The following ZFHX2 variants were observed in gnomAD, a reference collection of about 807,000 sequenced individuals.
The protein encoded by ZFHX2 is zinc finger homeobox 2.
Under a neutral mutation model 164.8 loss-of-function variants are expected in ZFHX2, and 75 were observed. The ratio of observed to expected loss-of-function variants is 0.46; its 90% CI spans 0.38 to 0.55. The LOEUF (loss-of-function observed/expected upper bound fraction) is 0.55. ZFHX2 is among the 20% of genes least tolerant of loss of function. The probability of loss-of-function intolerance (pLI) is 0.00; values close to 1 mark genes in which losing one functional copy is unlikely to be tolerated. For missense variants in ZFHX2, 2,933 were observed against 3,308.0 expected (o/e 0.89, Z 2.78); for synonymous variants, 1,217 against 1,351.4 (o/e 0.90, Z 2.18).
rs1256111663 is a variant in ZFHX2 at position 23,534,412 on chromosome 14, G to C, written c.914C>G (p.Pro305Arg). 2 of 1,536,672 alleles carry C rather than the reference G, an allele frequency of 1.3e-6. No homozygotes were observed. The highest frequency in any genetic ancestry group is 3.9e-5 in the Admixed American group (2 of 50,978). The change falls in exon 2 of 10, where the codon CCC becomes CGC. Residue 305 changes from proline to arginine, a missense_variant. Coordinates refer to ENST00000419474, the MANE Select transcript of ZFHX2 (RefSeq NM_033400.3). The surrounding 1 kb of genome is among the most constrained non-coding windows in gnomAD (Gnocchi z 4.5). Reference protein sequence around the residue: ...KLPARPSSDIPLDNSSTVNME... With the variant: ...KLPARPSSDIRLDNSSTVNME... The stretch of plus-strand genomic sequence containing the variant: ...GTTCACTGTGCTGCTGTTGTCAAGG[G>C]GTATGTCAGAAGAGGGGCGAGCAGG...
chr14:23,536,407 A>T (rs1008610323), intron 1 of ZFHX2, among the ~76,000 whole-genome samples: 27 of 152,138 alleles, frequency 1.8e-4, no homozygotes, highest in African/African-American at 6.5e-4. Context: ...TGCAGGCACC[A>T]TGCTTCTCTC....
intron 1 of ZFHX2, among the ~76,000 whole-genome samples, chr14:23,550,376 T>G (rs753846365): frequency 4.1e-4 from 63 of 152,170 alleles, no homozygotes; most frequent in Non-Finnish European, 8.4e-4. Context: ...GCCAGAGATA[T>G]CCAGACAGAC....
rs897256067 is a variant in ZFHX2 at position 23,546,621 on chromosome 14, G to A, written c.-50+4722C>T. 1.3e-5 allele frequency among the ~76,000 whole-genome samples: 2 copies of A among 152,164 alleles called. No homozygotes were observed. Among genetic ancestry groups the A allele is most frequent in the Admixed American group, 6.5e-5 (1 of 15,280 alleles). ...ACCCCTGCCTTGCCAGCCTGGGGAG[G>A]AGGGATGGGCAGGCAGTTCCCTAGG... On this transcript the variant is annotated intron_variant, in intron 1 of 9. Transcript: ENST00000419474. This position sits in a 1 kb window ranked among gnomAD's most constrained non-coding sequence, Gnocchi z 4.7.
chr14:23,543,083 G>A (rs947635754), intron 1 of ZFHX2: 1 of 152,196 alleles, frequency 6.6e-6, no homozygotes, highest in African/African-American at 2.4e-5. Flanking sequence ...ATTTTATTCT[G>A]TGAACCTGTG....
chr14:23,534,057 A>T lies in ZFHX2; in HGVS notation c.1269T>A (p.Asp423Glu). The T allele has an allele frequency of 6.5e-7, 1 of 1,530,702 alleles. No individual in the cohort carries two copies. Among genetic ancestry groups the T allele is most frequent in the Non-Finnish European group, 8.7e-7 (1 of 1,143,070 alleles). The allele number at this position is 1,530,702 out of a possible 1,614,324, so 94.8% of individuals were successfully genotyped here. ...AGGCTGCAGGGGCTGGGGTGTAGTC[A>T]TCAGCTAGGCGATAGGGCTGGGGTG... The part of the protein sequence containing the change: ...SDPPQPYRLA[D>E]DYTPAPAAFQ... Residue 423 changes from aspartate (D) to glutamate (E), a missense_variant, in exon 2 of 10, where the codon GAT becomes GAA. Coordinates refer to ENST00000419474, the MANE Select transcript of ZFHX2 (RefSeq NM_033400.3). This position sits in a 1 kb window ranked among gnomAD's most constrained non-coding sequence, Gnocchi z 4.5.
intron 1 of ZFHX2, among the ~76,000 whole-genome samples, chr14:23,537,311 C>T (rs1256458665): frequency 1.3e-5 from 2 of 152,004 alleles, no homozygotes; most frequent in African/African-American, 4.8e-5. Flanking sequence ...CCCCCAAGGT[C>T]CCAGTTGGCC....
intron 6 of ZFHX2, chr14:23,528,858 G>T (rs910247497): frequency 5.3e-5 from 52 of 984,366 alleles, no homozygotes; most frequent in Non-Finnish European, 6.0e-5. Flanking sequence ...TACCCAGCCT[G>T]CATCCAGGCT....
rs1373259839 is a variant in ZFHX2, at chr14:23,533,253, G to C, written c.2041+32C>G. Reference sequence around the variant, plus strand: ...ACGGAATAGAGTTTGGCCCTGGGGAGGAGAGAAGAGGGAAGAAGCACAGAA... The same window carrying C: ...ACGGAATAGAGTTTGGCCCTGGGGACGAGAGAAGAGGGAAGAAGCACAGAA... On this transcript the variant is annotated intron_variant, in intron 2 of 9. Coordinates refer to ENST00000419474, the MANE Select transcript of ZFHX2 (RefSeq NM_033400.3). The surrounding 1 kb of genome is among the most constrained non-coding windows in gnomAD (Gnocchi z 4.8). 13 of 1,105,930 alleles carry C rather than the reference G, an allele frequency of 1.2e-5. No homozygotes were observed. Among genetic ancestry groups the C allele is most frequent in the Non-Finnish European group, 1.3e-5 (11 of 834,962 alleles). 68.5% of individuals were successfully genotyped at this position (1,105,930 alleles called of 1,614,324 possible). A position where few individuals can be genotyped will look rare whatever the true frequency, so the allele number is the denominator to read the frequency against.
intron 1 of ZFHX2, among the ~76,000 whole-genome samples, chr14:23,547,477 C>T (rs938111399): frequency 2.0e-5 from 3 of 152,090 alleles, no homozygotes; most frequent in South Asian, 2.1e-4. Flanking sequence ...TTCTGGAAAC[C>T]GCCTCCTTTC....
At chr14:23,528,818 G>A (rs1475345938) in intron 6 of ZFHX2, 1 of 985,280 alleles carries the variant, frequency 1.0e-6, no homozygotes, top group East Asian at 1.1e-4. Context: ...GAGGCTGCCA[G>A]AGGCCCCACC....
rs957433694 is a variant in ZFHX2 at position 23,533,411 on chromosome 14, C to T, written c.1915G>A (p.Ala639Thr). Residue 639 changes from alanine to threonine, a missense_variant, in exon 2 of 10, where the codon GCC becomes ACC. Coordinates refer to ENST00000419474, the MANE Select transcript of ZFHX2 (RefSeq NM_033400.3). This position sits in a 1 kb window ranked among gnomAD's most constrained non-coding sequence, Gnocchi z 4.8. ...AAGGGAGTCTGAGGCTGCCCTAGGG[C>T]CTGGGGCCCAAAGTACTGGAAGAGT... The part of the protein sequence containing the change: ...PELFQYFGPQ[A>T]LGQPQTPLAG... 74 of 1,505,264 alleles carry T rather than the reference C, an allele frequency of 4.9e-5. No individual in the cohort carries two copies. Among genetic ancestry groups the T allele is most frequent in the Non-Finnish European group, 6.5e-5 (73 of 1,129,068 alleles). The allele number at this position is 1,505,264 out of a possible 1,614,324, so 93.2% of individuals were successfully genotyped here.
Position 23,524,567 on chromosome 14 carries a change from A to G in ZFHX2, c.5375T>C (p.Phe1792Ser). 1.3e-6 allele frequency: 2 copies of G among 1,533,830 alleles called. No individual in the cohort carries two copies. The highest frequency in any genetic ancestry group is 1.7e-6 in the Non-Finnish European group (2 of 1,145,420). ...AGCACTGGGCTGCAGAGATGGCAGG[A>G]AATGTAGTCGGCGGTGACTGGTCAG... ...DLLTSHRRLHFLPSLQPSAPP... is the reference protein window; with the variant it reads ...DLLTSHRRLHSLPSLQPSAPP... Residue 1792 changes from phenylalanine to serine, a missense_variant, in exon 9 of 10, where the codon TTC (phenylalanine) becomes TCC (serine). Physicochemically the swap from Phe to Ser is radical, Grantham distance 155. Coordinates refer to ENST00000419474, the MANE Select transcript of ZFHX2 (RefSeq NM_033400.3). This position sits in a 1 kb window ranked among gnomAD's most constrained non-coding sequence, Gnocchi z 5.6.
rs1451402070 is a variant in ZFHX2 at position 23,535,358 on chromosome 14, G to A, written c.-33C>T. 6.9e-7 allele frequency: 1 copy of A among 1,440,884 alleles called. No homozygotes were observed. Among genetic ancestry groups the A allele is most frequent in the South Asian group, 1.4e-5 (1 of 69,056 alleles). 89.3% of individuals were successfully genotyped at this position (1,440,884 alleles called of 1,614,324 possible). A position where few individuals can be genotyped will look rare whatever the true frequency, so the allele number is the denominator to read the frequency against. On this transcript the variant is annotated 5_prime_UTR_variant, in exon 2 of 10. Transcript: ENST00000419474. The surrounding 1 kb of genome is among the most constrained non-coding windows in gnomAD (Gnocchi z 4.5). ...GGAGGAGTGCTGGGGGCTCATGTCAGCGTGACAGCCAGTACCCTGTAGGGA... is the reference window on the plus strand; with the variant it reads ...GGAGGAGTGCTGGGGGCTCATGTCAACGTGACAGCCAGTACCCTGTAGGGA...
Position 23,524,317 on chromosome 14 carries a change from C to CCAACG in ZFHX2, c.5620_5624dup (p.Trp1875CysfsTer57), listed in dbSNP as rs940346113. The CCAACG allele has an allele frequency of 1.3e-6, 2 of 1,536,350 alleles. No homozygotes were observed. Among genetic ancestry groups the CCAACG allele is most frequent in the Non-Finnish European group, 1.7e-6 (2 of 1,146,952 alleles). ...GTGTTGGGTTGGAATCCTGCATGTA[C>CCAACG]CAACGGTACAGGATCTCTAGCTGCT... On this transcript the variant is annotated frameshift_variant, in exon 9 of 10. Coordinates refer to ENST00000419474, the MANE Select transcript of ZFHX2 (RefSeq NM_033400.3). LOFTEE classifies it high-confidence loss of function. This position sits in a 1 kb window ranked among gnomAD's most constrained non-coding sequence, Gnocchi z 5.6.
At position 23,522,325 on chromosome 14, in the gene ZFHX2, C is replaced by A; in HGVS notation, c.7356G>T (p.Leu2452=). The A allele has an allele frequency of 1.3e-6, 2 of 1,529,770 alleles. No individual in the cohort carries two copies. Among genetic ancestry groups the A allele is most frequent in the South Asian group, 2.4e-5 (2 of 83,350 alleles). 94.8% of individuals were successfully genotyped at this position (1,529,770 alleles called of 1,614,324 possible). A position where few individuals can be genotyped will look rare whatever the true frequency, so the allele number is the denominator to read the frequency against. ...CAAATGCCATCTTGCACTGGCGGCA[C>A]AGGTAGCGATGGGTTACATCCACGG... The part of the protein sequence containing the change: ...ISTVDVTHRY[L]CRQCKMAFDG... Residue 2452 remains leucine (L), a synonymous_variant, in exon 10 of 10, where the codon CTG becomes CTT. Coordinates refer to ENST00000419474, the MANE Select transcript of ZFHX2 (RefSeq NM_033400.3).
At chr14:23,554,451 TCACTGC>T (rs1236361515), upstream of ZFHX2, among the ~76,000 whole-genome samples, 1 of 152,094 alleles carries the variant, frequency 6.6e-6, no homozygotes, top group Non-Finnish European at 1.5e-5. Flanking sequence ...GGATCGTAGC[TCACTGC>T]CCTTGACCTC....
chr14:23,551,854 G>GCGCC (rs935108013), upstream of ZFHX2, among the ~76,000 whole-genome samples: 15 of 152,040 alleles, frequency 9.9e-5, no homozygotes, highest in African/African-American at 3.6e-4. The surrounding 1 kb of genome is among the most constrained non-coding windows in gnomAD (Gnocchi z 5.3). Context: ...TAGTCTGTTC[G>GCGCC]CGCCCGCCCG....
At chr14:23,539,468 C>T (rs1398224929) in intron 1 of ZFHX2, among the ~76,000 whole-genome samples, 2 of 152,146 alleles carry the variant, frequency 1.3e-5, no homozygotes, top group Admixed American at 6.5e-5. Flanking sequence ...TGTAAAGTTG[C>T]AGAAACACAG....
At position 23,527,901 on chromosome 14, in the gene ZFHX2, CTTTTTTTTTTTTT is replaced by C. The variant is rs745574496; in HGVS notation, c.2935-110_2935-98del. The C allele has an allele frequency of 3.5e-4, 156 of 448,950 alleles. 1 individual carries two copies. Among genetic ancestry groups the C allele is most frequent in the African/African-American group, 2.9e-3 (106 of 36,322 alleles). The allele number at this position is 448,950 out of a possible 1,614,324, so 27.8% of individuals were successfully genotyped here. ...ATGCAGCACTGGCCCGCCCCCACTCCTTTTTTTTTTTTTTTTTTTTTTTTAGATGGAGTCTGGC... is the reference window on the plus strand; with the variant it reads ...ATGCAGCACTGGCCCGCCCCCACTCCTTTTTTTTTTTAGATGGAGTCTGGC... On this transcript the variant is annotated intron_variant, in intron 6 of 9. Transcript: ENST00000419474.
Sources: allele counts gnomAD v4.1 joint callset (sites outside exome capture counted in the v4.1 genomes callset), GRCh38; gene constraint gnomAD v4.1.1; non-coding constraint Gnocchi (gnomAD v3.1); transcripts MANE v1.5; gene names NCBI Gene and HGNC (gene_info 2026-07-23, HGNC 2026-07-21).